LRCH3: variants seen among roughly 807,000 people sequenced by gnomAD.
The protein encoded by LRCH3 is DISP complex protein LRCH3.
LRCH3 carries 68 observed loss-of-function variants against 104.5 expected under a neutral mutation model. That is an observed-to-expected ratio of 0.65 (90% confidence interval 0.54 to 0.80). The LOEUF is 0.80. LRCH3 is among the 30% of genes least tolerant of loss of function. The pLI is 0.00. For missense variants in LRCH3, 951 were observed against 953.9 expected (o/e 1.00, Z 0.04); for synonymous variants, 344 against 361.3 (o/e 0.95, Z 0.54).
At chr3:197,860,440 C>T (rs568807487) in intron 15 of LRCH3, among the ~76,000 whole-genome samples, 5 of 152,302 alleles carry the variant, frequency 3.3e-5, no homozygotes, top group East Asian at 1.9e-4. Flanking sequence ...TACACTGGCT[C>T]ACACCTGTAA....
intron 10 of LRCH3, among the ~76,000 whole-genome samples, chr3:197,845,069 A>G (rs1432329555): frequency 1.3e-5 from 2 of 152,172 alleles, no homozygotes; most frequent in Non-Finnish European, 2.9e-5. Context: ...AAAATACAGT[A>G]ATGAGATAAA....
In LRCH3 at chr3:197,791,513, C is replaced by G. The variant is rs1730494820; in HGVS notation, c.235C>G (p.His79Asp). ...LREFPRGAAN[H>D]DLTDTTRADL... ...GGAGTTTCCCCGGGGAGCGGCCAACCACGACCTGACGGACACCACCCGGGC... is the reference window on the plus strand; with the variant it reads ...GGAGTTTCCCCGGGGAGCGGCCAACGACGACCTGACGGACACCACCCGGGC... The change falls in exon 1 of 21, where the codon CAC becomes GAC. Residue 79 changes from histidine (H) to aspartate (D), a missense_variant. Transcript: ENST00000425562. The G allele has an allele frequency of 6.3e-7, 1 of 1,597,228 alleles. No homozygotes were observed. The highest frequency in any genetic ancestry group is 8.5e-7 in the Non-Finnish European group (1 of 1,173,968).
chr3:197,879,977 G>A (rs370035677), intron 20 of LRCH3, among the ~76,000 whole-genome samples: 28 of 145,910 alleles, frequency 1.9e-4, no homozygotes, highest in South Asian at 6.5e-4. Flanking sequence ...ACGGAGTCTC[G>A]CTCTGTCACC....
At chr3:197,867,443 G>T (rs376733430) in intron 17 of LRCH3, among the ~76,000 whole-genome samples, 191 of 151,636 alleles carry the variant, frequency 1.3e-3, no homozygotes, top group African/African-American at 4.5e-3. Context: ...TAGGCCAGGC[G>T]TGGTGGCACG....
intron 16 of LRCH3, 49 bp downstream of exon 16, chr3:197,865,520 A>AT: frequency 2.6e-6 from 3 of 1,169,712 alleles, no homozygotes; most frequent in Non-Finnish European, 3.5e-6. Flanking sequence ...ATAATTCTTT[A>AT]TTTTTTTATT....
chr3:197,814,902 T>C lies in LRCH3; in HGVS notation c.263-6T>C. Reference sequence around the variant, plus strand: ...GATTTTAAACCTAATTTAATTTTTCTTTTAGACCTGTCGCGAAATCGCCTT... The same window carrying C: ...GATTTTAAACCTAATTTAATTTTTCCTTTAGACCTGTCGCGAAATCGCCTT... On this transcript the variant is annotated splice_polypyrimidine_tract_variant and splice_region_variant and intron_variant, in intron 1 of 20. Transcript: ENST00000425562. The C allele has an allele frequency of 6.3e-7, 1 of 1,586,100 alleles. No homozygotes were observed.
chr3:197,842,876 G>T (rs1029046234), intron 10 of LRCH3, among the ~76,000 whole-genome samples: 2 of 152,096 alleles, frequency 1.3e-5, no homozygotes, highest in African/African-American at 4.8e-5. Context: ...CCTGAGCTCA[G>T]GAGTTCCAGA....
chr3:197,839,987 T>A (rs1476764026), intron 10 of LRCH3, among the ~76,000 whole-genome samples: 13 of 146,522 alleles, frequency 8.9e-5, no homozygotes, highest in Admixed American at 2.7e-4. Flanking sequence ...AAAAAAAAAA[T>A]ACAAAATACA....
intron 20 of LRCH3, chr3:197,881,944 T>A: frequency 1.0e-6 from 1 of 985,476 alleles, no homozygotes. Context: ...CTATTAATGC[T>A]GAAACACTCA....
chr3:197,817,027 C>T (rs543140321), intron 2 of LRCH3, 149 bp from the exon 3 acceptor site: 2 of 572,844 alleles, frequency 3.5e-6, no homozygotes, highest in African/African-American at 2.0e-5. Context: ...AAGCTGACCA[C>T]CAGTAAAACG....
intron 9 of LRCH3, among the ~76,000 whole-genome samples, chr3:197,836,796 G>C (rs1736862932): frequency 1.3e-5 from 2 of 152,132 alleles, no homozygotes; most frequent in Admixed American, 6.5e-5. Flanking sequence ...TCCTTCCTCA[G>C]CCTCCCGAGT....
At chr3:197,869,766 A>C (rs1311101184) in intron 17 of LRCH3, among the ~76,000 whole-genome samples, 3 of 131,518 alleles carry the variant, frequency 2.3e-5, no homozygotes, top group Admixed American at 7.2e-5. Context: ...AAAGCGATGC[A>C]CTGTACCTGC....
chr3:197,828,590 C>G (rs1246239614), intron 5 of LRCH3, among the ~76,000 whole-genome samples: 1 of 151,726 alleles, frequency 6.6e-6, no homozygotes, highest in Non-Finnish European at 1.5e-5. Context: ...CATGATCCAC[C>G]TGCCTCGGCC....
chr3:197,822,574 A>G (rs985402789), intron 4 of LRCH3, among the ~76,000 whole-genome samples: 4 of 152,138 alleles, frequency 2.6e-5, no homozygotes, highest in Admixed American at 6.5e-5. Flanking sequence ...CAATTTTTTT[A>G]ACAGTTTATT....
At chr3:197,871,006 T>C (rs1054811693) in intron 18 of LRCH3, among the ~76,000 whole-genome samples, 6 of 152,214 alleles carry the variant, frequency 3.9e-5, no homozygotes, top group African/African-American at 1.4e-4. Context: ...TGCACACATA[T>C]ATAAATATCA....
At position 197,820,449 on chromosome 3, in the gene LRCH3, A is replaced by C; in HGVS notation, c.640+19A>C. 7.2e-7 allele frequency: 1 copy of C among 1,388,900 alleles called. No homozygotes were observed. Among genetic ancestry groups the C allele is most frequent in the Non-Finnish European group, 1.0e-6 (1 of 983,722 alleles). The allele number at this position is 1,388,900 out of a possible 1,614,324, so 86.0% of individuals were successfully genotyped here. On this transcript the variant is annotated intron_variant, in intron 4 of 20. Transcript: ENST00000425562. ...CCTGAAGGTAAGAAACTATGAAATA[A>C]GAAACCATGAAATAATTGTTTTATT...
intron 1 of LRCH3, among the ~76,000 whole-genome samples, chr3:197,806,071 C>T (rs957690440): frequency 6.6e-6 from 1 of 152,052 alleles, no homozygotes; most frequent in Admixed American, 6.6e-5. Context: ...GGATTACAGG[C>T]ATGTGCCACC....
chr3:197,849,517 A>G (rs1476577262), intron 12 of LRCH3, among the ~76,000 whole-genome samples: 2 of 152,118 alleles, frequency 1.3e-5, no homozygotes, highest in Non-Finnish European at 2.9e-5. Context: ...CTAATACTAT[A>G]CATACTATAT....
chr3:197,806,113 A>G (rs1392580503), intron 1 of LRCH3, among the ~76,000 whole-genome samples: 1 of 151,924 alleles, frequency 6.6e-6, no homozygotes, highest in South Asian at 2.1e-4. Flanking sequence ...TTTAGTAGAG[A>G]CGGGGTTTCT....
Sources: gnomAD v4.1 joint callset for allele counts (sites outside exome capture counted in the v4.1 genomes callset) on GRCh38, gnomAD v4.1.1 for gene constraint, MANE v1.5 for transcripts, NCBI Gene and HGNC (gene_info 2026-07-23, HGNC 2026-07-21) for gene names.